ASB2: variants seen among roughly 807,000 people sequenced by gnomAD.
ASB2 encodes ankyrin repeat and SOCS box protein 2.
Under a neutral mutation model 62.4 loss-of-function variants are expected in ASB2, and 58 were observed. The ratio of observed to expected loss-of-function variants is 0.93; its 90% CI spans 0.75 to 1.16. The LOEUF (loss-of-function observed/expected upper bound fraction) is 1.16, where lower values mean the gene tolerates loss of function less well. ASB2 is among the 50% of genes most tolerant of loss of function. The pLI is 0.00. For missense variants in ASB2, 928 were observed against 887.9 expected (o/e 1.05, Z -0.57); for synonymous variants, 386 against 385.3 (o/e 1.00, Z -0.02).
intron 2 of ASB2, among the ~76,000 whole-genome samples, chr14:93,962,524 GA>G (rs552437306): frequency 3.6e-4 from 55 of 152,310 alleles, no homozygotes; most frequent in African/African-American, 1.3e-3. Context: ...CTGGACCTCA[GA>G]TGAGGGCTGC....
chr14:93,937,945 A>T, intron 8 of ASB2, 94 bp from the exon 9 acceptor site: 1 of 1,289,168 alleles, frequency 7.8e-7, no homozygotes, highest in South Asian at 1.4e-5. Context: ...AAGCACAGAC[A>T]CTGTGCACAC....
chr14:93,964,900 CT>C (rs1595333088), intron 1 of ASB2, among the ~76,000 whole-genome samples: 1 of 152,040 alleles, frequency 6.6e-6, no homozygotes, highest in African/African-American at 2.4e-5. Flanking sequence ...CCATCCACCC[CT>C]CTATACATAT....
intron 9 of ASB2, among the ~76,000 whole-genome samples, chr14:93,935,591 T>C (rs1354427912): frequency 1.3e-5 from 2 of 152,012 alleles, no homozygotes; most frequent in Non-Finnish European, 2.9e-5. Context: ...GGGGCAGGAA[T>C]TTCCAGGTAC....
intron 3 of ASB2, 149 bp downstream of exon 3, chr14:93,956,617 G>A (rs1889217790): frequency 9.4e-7 from 1 of 1,062,774 alleles, no homozygotes; most frequent in South Asian, 1.5e-5. Context: ...GGGCCCCAGG[G>A]GGGCACCCCT....
intron 6 of ASB2, 112 bp from the exon 7 acceptor site, chr14:93,947,632 C>T (rs1888782539): frequency 7.7e-6 from 8 of 1,038,944 alleles, no homozygotes; most frequent in Admixed American, 2.1e-5. Context: ...ATGCACGGGA[C>T]CTTTAACAAC....
At position 93,954,371 on chromosome 14, in the gene ASB2, G is replaced by T. The variant is rs1182244919; in HGVS notation, c.424C>A (p.Leu142Met). 4 of 1,613,830 alleles carry T rather than the reference G, an allele frequency of 2.5e-6. No homozygotes were observed. Among genetic ancestry groups the T allele is most frequent in the Non-Finnish European group, 3.4e-6 (4 of 1,179,902 alleles). ...AEPNKEGWLP[L>M]HEAAYYGQVG... ...TGGCCATAGTATGCGGCCTCGTGCA[G>T]CGGCAGCCAGCCCTCCTTGTTGGGC... The change falls in exon 4 of 10, where the codon CTG (leucine) becomes ATG (methionine). Residue 142 changes from leucine to methionine, a missense_variant. By Grantham distance (15) the Leu-to-Met change is conservative. Transcript: ENST00000555019.
chr14:93,941,451 A>T (rs964159672), intron 7 of ASB2: 15 of 322,482 alleles, frequency 4.7e-5, no homozygotes, highest in Non-Finnish European at 9.2e-5. Flanking sequence ...TCTCAGTGGA[A>T]AGTATTATGA....
At position 93,954,151 on chromosome 14, in the gene ASB2, T is replaced by G. The variant is rs1595317681; in HGVS notation, c.478+166A>C. 3 of 627,814 alleles carry G rather than the reference T, an allele frequency of 4.8e-6. No homozygotes were observed. The East Asian group carries it at 8.2e-5, about 17-fold the overall frequency. The allele number at this position is 627,814 out of a possible 1,614,324, so 38.9% of individuals were successfully genotyped here. Reference sequence around the variant, plus strand: ...GGTGGCAGCAGGGGGTGGGGACAACTCATTTCCCCTCTCGTAACTCCATGA... The same window carrying G: ...GGTGGCAGCAGGGGGTGGGGACAACGCATTTCCCCTCTCGTAACTCCATGA... On this transcript the variant is annotated intron_variant, in intron 4 of 9. Coordinates refer to ENST00000555019, the MANE Select transcript of ASB2 (RefSeq NM_001202429.2).
chr14:93,954,447 G>C lies in ASB2; in HGVS notation c.348C>G (p.Gly116=), dbSNP rs146382240. The change falls in exon 4 of 10, where the codon GGC becomes GGG. Residue 116 remains glycine (G), a synonymous_variant. Transcript: ENST00000555019. ...ADPLIKAIKD[G]DEEALKTMIK... is the part of the protein sequence containing the mutation. ...TCATGGTCTTCAAGGCCTCTTCATC[G>C]CCATCCTTGATGGCCTTTATCAAGG... 1.2e-6 allele frequency: 2 copies of C among 1,614,160 alleles called. No individual in the cohort carries two copies. Among genetic ancestry groups the C allele is most frequent in the Non-Finnish European group, 1.7e-6 (2 of 1,180,018 alleles).
At chr14:93,941,776 G>A in intron 7 of ASB2, 2 of 431,696 alleles carry the variant, frequency 4.6e-6, no homozygotes, top group East Asian at 7.1e-5. Flanking sequence ...AGTTCTCCAC[G>A]AACCAAGGGA....
intron 7 of ASB2, chr14:93,941,833 G>A: frequency 2.6e-6 from 1 of 387,498 alleles, no homozygotes; most frequent in Non-Finnish European, 5.2e-6. Context: ...GTTATGTGGT[G>A]AATCATCTTA....
intron 1 of ASB2, among the ~76,000 whole-genome samples, chr14:93,965,936 C>T (rs562915260): frequency 8.7e-4 from 132 of 152,372 alleles, no homozygotes; most frequent in African/African-American, 3.1e-3. Context: ...AGAGAGAACA[C>T]ACCCGGGCAC....
chr14:93,937,676 GGCA>G lies in ASB2; in HGVS notation c.1771+19_1771+21del, dbSNP rs1461981169. Reference sequence around the variant, plus strand: ...TCAGGCAGGGAGATCTGCCAGCCTTGGCAGCAGCAGCAAGTCCCTACCTGCCTT... The same window carrying G: ...TCAGGCAGGGAGATCTGCCAGCCTTGGCAGCAGCAAGTCCCTACCTGCCTT... On this transcript the variant is annotated intron_variant, in intron 9 of 9. Transcript: ENST00000555019. The G allele has an allele frequency of 6.3e-7, 1 of 1,592,672 alleles. No individual in the cohort carries two copies. The highest frequency in any genetic ancestry group is 1.3e-5 in the African/African-American group (1 of 74,692).
chr14:93,956,609 GC>G (rs1477897118), intron 3 of ASB2, among the ~76,000 whole-genome samples, 156 bp downstream of exon 3: 1 of 152,192 alleles, frequency 6.6e-6, no homozygotes, highest in East Asian at 1.9e-4. Flanking sequence ...GAGCAGTGGG[GC>G]CCCAGGGGGG....
At chr14:93,969,131 G>T (rs1318638834) in intron 1 of ASB2, among the ~76,000 whole-genome samples, 1 of 152,220 alleles carries the variant, frequency 6.6e-6, no homozygotes, top group Non-Finnish European at 1.5e-5. Context: ...GAGTCAAAAG[G>T]GTTCATGTGT....
intron 6 of ASB2, among the ~76,000 whole-genome samples, chr14:93,948,719 G>C (rs927557926): frequency 6.6e-6 from 1 of 151,308 alleles, no homozygotes; most frequent in Non-Finnish European, 1.5e-5. Context: ...GATCACTTGA[G>C]CTCAGGAATT....
rs374926674 is a variant in ASB2, at chr14:93,951,023, C to G, written c.856G>C (p.Ala286Pro). 6.2e-7 allele frequency: 1 copy of G among 1,613,982 alleles called. No homozygotes were observed. Among genetic ancestry groups the G allele is most frequent in the South Asian group, 1.1e-5 (1 of 91,052 alleles). The change falls in exon 6 of 10, where the codon GCC (alanine) becomes CCC (proline). Residue 286 changes from alanine (A) to proline (P), a missense_variant. Physicochemically the swap from Ala to Pro is conservative, Grantham distance 27. Coordinates refer to ENST00000555019, the MANE Select transcript of ASB2 (RefSeq NM_001202429.2). ...FVAAQSGQLE[A>P]LRFLAKYGAD... ...CCGTACTTGGCTAAGAACCTCAAGG[C>G]CTCCAACTGTCCACTCTGGGCGGCC...
chr14:93,965,006 C>G (rs1889543263), intron 1 of ASB2, among the ~76,000 whole-genome samples: 1 of 152,176 alleles, frequency 6.6e-6, no homozygotes, highest in Admixed American at 6.5e-5. Context: ...TCTATTCTCT[C>G]AGCACTACTC....
At chr14:93,952,940 C>T (rs1889026301) in intron 5 of ASB2, among the ~76,000 whole-genome samples, 1 of 152,236 alleles carries the variant, frequency 6.6e-6, no homozygotes, top group African/African-American at 2.4e-5. Flanking sequence ...CGCATACCTT[C>T]ATGCCTTTGC....
Sources: gnomAD v4.1 joint callset for allele counts (sites outside exome capture counted in the v4.1 genomes callset) on GRCh38, gnomAD v4.1.1 for gene constraint, MANE v1.5 for transcripts, NCBI Gene and HGNC (gene_info 2026-07-23, HGNC 2026-07-21) for gene names.